DPP6: variants seen among roughly 807,000 people sequenced by gnomAD.
DPP6 encodes the protein dipeptidyl peptidase like 6.
Under a neutral mutation model 122.6 loss-of-function variants are expected in DPP6, and 69 were observed. The ratio of observed to expected loss-of-function variants is 0.56; its 90% CI spans 0.46 to 0.69. The LOEUF (loss-of-function observed/expected upper bound fraction) is 0.69. Among genes scored for constraint, DPP6 ranks in the 30% least tolerant of loss-of-function variants. The pLI, the probability that DPP6 is intolerant of heterozygous loss-of-function variation, is 0.00. For synonymous variants in DPP6, 418 were observed against 433.1 expected (o/e 0.97, Z 0.43); for missense variants, 928 against 1,116.9 (o/e 0.83, Z 2.41).
intron 1 of DPP6, among the ~76,000 whole-genome samples, chr7:153,972,446 C>G (rs566752790): frequency 1.2e-3 from 184 of 152,118 alleles, no homozygotes; most frequent in Middle Eastern, 3.4e-3. Flanking sequence ...CTCCTCTAAG[C>G]TGATTCTGAC....
the DPP6 span, among the ~76,000 whole-genome samples, chr7:153,861,600 T>C: frequency 6.6e-6 from 1 of 152,206 alleles, no homozygotes; most frequent in Non-Finnish European, 1.5e-5. Context: ...CCTCCCTTTT[T>C]TATCATATTC....
intron 1 of DPP6, among the ~76,000 whole-genome samples, chr7:154,444,285 G>A (rs1819668274): frequency 6.6e-6 from 1 of 150,854 alleles, no homozygotes; most frequent in Admixed American, 6.6e-5. Flanking sequence ...GTGAAACCCT[G>A]TCTCTACTAA....
intron 1 of DPP6, among the ~76,000 whole-genome samples, chr7:154,439,881 A>G (rs1819212817): frequency 6.6e-6 from 1 of 152,180 alleles, no homozygotes; most frequent in African/African-American, 2.4e-5. Flanking sequence ...TATTTGAGAA[A>G]AGTAGGGTGG....
intron 1 of DPP6, among the ~76,000 whole-genome samples, chr7:153,996,655 C>T (rs573755753): frequency 6.6e-6 from 1 of 151,934 alleles, no homozygotes; most frequent in Non-Finnish European, 1.5e-5. Context: ...ACTCATTTAC[C>T]TTTGCAGCCC....
chr7:154,474,620 C>T (rs776166444), intron 2 of DPP6, among the ~76,000 whole-genome samples: 12 of 152,200 alleles, frequency 7.9e-5, no homozygotes, highest in Admixed American at 1.3e-4. Flanking sequence ...ATCTTCCTCT[C>T]GACTATTCCC....
intron 1 of DPP6, among the ~76,000 whole-genome samples, chr7:153,955,917 A>G (rs1461884918): frequency 1.3e-5 from 2 of 152,160 alleles, no homozygotes; most frequent in Non-Finnish European, 2.9e-5. Flanking sequence ...TGATATAAAG[A>G]AGGAGGAAGT....
At chr7:154,258,014 C>A (rs1489275467) in intron 1 of DPP6, among the ~76,000 whole-genome samples, 1 of 152,048 alleles carries the variant, frequency 6.6e-6, no homozygotes, top group East Asian at 1.9e-4. Context: ...TGTCATTTCC[C>A]AATGCAGTAG....
intron 5 of DPP6, among the ~76,000 whole-genome samples, chr7:154,589,977 CTT>C (rs765705531): frequency 6.6e-6 from 1 of 152,214 alleles, no homozygotes; most frequent in Non-Finnish European, 1.5e-5. Flanking sequence ...AGCTAATCCT[CTT>C]GTCTTCTTTA....
chr7:153,819,968 G>A, the DPP6 span, among the ~76,000 whole-genome samples: 1 of 152,052 alleles, frequency 6.6e-6, no homozygotes, highest in Admixed American at 6.6e-5. Context: ...TTAAAGCTAG[G>A]AACATTTTTC....
chr7:153,922,595 A>G (rs1209599925), intron 1 of DPP6, among the ~76,000 whole-genome samples: 2 of 152,188 alleles, frequency 1.3e-5, no homozygotes, highest in Non-Finnish European at 2.9e-5. Context: ...ACATATTTTT[A>G]TGTCTCTGAT....
At chr7:154,329,642 AACCAGAAAT>A (rs1290742440) in intron 1 of DPP6, among the ~76,000 whole-genome samples, 2 of 152,208 alleles carry the variant, frequency 1.3e-5, no homozygotes, top group Non-Finnish European at 2.9e-5. Context: ...AAGGGCCTAG[AACCAGAAAT>A]ACCATTTGAC....
chr7:154,642,364 AG>A (rs748951798), intron 6 of DPP6, among the ~76,000 whole-genome samples: 13 of 151,076 alleles, frequency 8.6e-5, no homozygotes, highest in Middle Eastern at 6.9e-3. Flanking sequence ...AGGCCGAAGC[AG>A]GTGGATCACC....
rs1249894290 is a variant in DPP6 at position 154,872,638 on chromosome 7, A to T, written c.1828A>T (p.Ile610Leu). 1 of 1,601,850 alleles carries T rather than the reference A, an allele frequency of 6.2e-7. No homozygotes were observed. The highest frequency in any genetic ancestry group is 8.5e-7 in the Non-Finnish European group (1 of 1,174,524). ...CTTCTCCCCAGACCTGCCCATGCAG[A>T]TACTGAAGCCAGCAACCTTCACCGA... ...EIDDYNLPMQ[I>L]LKPATFTDTT... is the part of the protein sequence containing the mutation. The change falls in exon 19 of 26, where the codon ATA (isoleucine) becomes TTA (leucine). Residue 610 changes from isoleucine (I) to leucine (L), a missense_variant. Coordinates refer to ENST00000377770, the MANE Select transcript of DPP6 (RefSeq NM_130797.4).
intron 1 of DPP6, among the ~76,000 whole-genome samples, chr7:154,423,078 C>T (rs1311620252): frequency 6.6e-6 from 1 of 151,998 alleles, no homozygotes; most frequent in Non-Finnish European, 1.5e-5. Flanking sequence ...AAATCTGCGC[C>T]CTCTTTCTAA....
chr7:154,633,956 G>A (rs1047466400), intron 5 of DPP6, among the ~76,000 whole-genome samples: 3 of 148,754 alleles, frequency 2.0e-5, no homozygotes, highest in African/African-American at 7.4e-5. Flanking sequence ...AGCTTCTCAG[G>A]TTTTCTCTAT....
upstream of DPP6, among the ~76,000 whole-genome samples, chr7:154,051,063 C>T (rs1190200122): frequency 1.6e-5 from 2 of 126,150 alleles, no homozygotes; most frequent in Admixed American, 7.8e-5. Flanking sequence ...GGGCTTGGGG[C>T]AATGCCAGGG....
intron 1 of DPP6, among the ~76,000 whole-genome samples, chr7:154,143,912 A>C (rs886304873): frequency 5.3e-5 from 8 of 152,102 alleles, no homozygotes; most frequent in Non-Finnish European, 1.0e-4. Flanking sequence ...TTTCCTTAGG[A>C]TAAGATTTTT....
At chr7:154,634,011 C>CTT (rs530757614) in intron 5 of DPP6, among the ~76,000 whole-genome samples, 1 of 134,332 alleles carries the variant, frequency 7.4e-6, no homozygotes. Context: ...TTTTTTTTTT[C>CTT]TTTTTTTTTT....
intron 1 of DPP6, among the ~76,000 whole-genome samples, chr7:154,182,290 G>A (rs1196585567): frequency 6.6e-6 from 1 of 152,156 alleles, no homozygotes; most frequent in Non-Finnish European, 1.5e-5. Context: ...GATTGCCTAG[G>A]TAACAGCTCC....
Sources: gnomAD v4.1 joint callset for allele counts (sites outside exome capture counted in the v4.1 genomes callset) on GRCh38, gnomAD v4.1.1 for gene constraint, MANE v1.5 for transcripts, NCBI Gene and HGNC (gene_info 2026-07-23, HGNC 2026-07-21) for gene names.